RLN2: variants seen among roughly 807,000 people sequenced by gnomAD.
RLN2 encodes the protein relaxin 2.
Under a neutral mutation model 7.3 loss-of-function variants are expected in RLN2, and 10 were observed. The ratio of observed to expected loss-of-function variants is 1.36; its 90% confidence interval spans 0.84 to 2.31. The LOEUF (loss-of-function observed/expected upper bound fraction) is 2.31. RLN2 is among the 30% of genes most tolerant of loss of function. The probability of loss-of-function intolerance (pLI) is 0.00; values close to 1 mark genes in which losing one functional copy is unlikely to be tolerated. For missense variants in RLN2, 298 were observed against 217.6 expected, an observed-to-expected ratio of 1.37 and a Z score of -2.32; for synonymous variants, 103 against 82.3, an observed-to-expected ratio of 1.25 and a Z score of -1.36.
At chr9:5,335,400 G>C in the RLN2 span, 1 of 1,613,476 alleles carries the variant, frequency 6.2e-7, no homozygotes, top group South Asian at 1.1e-5. Flanking sequence ...GCTTCACTTT[G>C]CCTATTGCGA....
upstream of RLN2, among the ~76,000 whole-genome samples, chr9:5,307,090 G>A (rs930008404): frequency 1.3e-5 from 2 of 152,006 alleles, no homozygotes; most frequent in African/African-American, 4.8e-5. Context: ...TATATGCTTA[G>A]ACACAGCTGC....
the RLN2 span, among the ~76,000 whole-genome samples, chr9:5,318,230 C>A: frequency 6.6e-6 from 1 of 151,962 alleles, no homozygotes; most frequent in Admixed American, 6.6e-5. Flanking sequence ...CTTCACCCTG[C>A]CACTTTTATT....
At chr9:5,301,946 G>C (rs1426358410) in intron 1 of RLN2, among the ~76,000 whole-genome samples, 1 of 152,236 alleles carries the variant, frequency 6.6e-6, no homozygotes, top group African/African-American at 2.4e-5. Flanking sequence ...TAAATGAGAG[G>C]TTTTGGCATT....
the RLN2 span, among the ~76,000 whole-genome samples, chr9:5,330,136 T>C: frequency 6.6e-6 from 1 of 152,114 alleles, no homozygotes; most frequent in African/African-American, 2.4e-5. Context: ...ACATGGAAAC[T>C]GAACAACCTG....
At chr9:5,324,439 A>G in the RLN2 span, among the ~76,000 whole-genome samples, 1 of 152,086 alleles carries the variant, frequency 6.6e-6, no homozygotes, top group Non-Finnish European at 1.5e-5. Context: ...TGATTTAAAA[A>G]TCAGACCAAG....
At chr9:5,335,471 T>G in the RLN2 span, 5 of 1,613,544 alleles carry the variant, frequency 3.1e-6, no homozygotes, top group Non-Finnish European at 4.2e-6. Flanking sequence ...TACATACTGC[T>G]GTAGCTCTGG....
At chr9:5,329,030 G>A in the RLN2 span, among the ~76,000 whole-genome samples, 239 of 152,012 alleles carry the variant, frequency 1.6e-3, 1 homozygote, top group African/African-American at 5.4e-3. Flanking sequence ...TCGGCCGGGT[G>A]CGGTGGCTCA....
the RLN2 span, chr9:5,335,521 C>A: frequency 2.4e-5 from 38 of 1,612,968 alleles, no homozygotes; most frequent in Non-Finnish European, 3.1e-5. Context: ...CCTTCAGCTC[C>A]GGTGGCAAAT....
At chr9:5,333,420 T>C in the RLN2 span, among the ~76,000 whole-genome samples, 2 of 152,126 alleles carry the variant, frequency 1.3e-5, no homozygotes, top group South Asian at 4.1e-4. Flanking sequence ...CTGGAAAATC[T>C]AGAAGAAATG....
chr9:5,337,276 G>C, the RLN2 span, among the ~76,000 whole-genome samples: 1 of 152,020 alleles, frequency 6.6e-6, no homozygotes, highest in African/African-American at 2.4e-5. Context: ...CCAGTTAAAT[G>C]AATCAGCCAA....
chr9:5,328,093 T>C, the RLN2 span, among the ~76,000 whole-genome samples: 1 of 152,008 alleles, frequency 6.6e-6, no homozygotes, highest in Non-Finnish European at 1.5e-5. Flanking sequence ...CTTCAGAAGG[T>C]TGGTAATAAC....
chr9:5,307,447 A>G (rs1043612368), upstream of RLN2, among the ~76,000 whole-genome samples: 4 of 151,900 alleles, frequency 2.6e-5, no homozygotes, highest in African/African-American at 9.7e-5. Flanking sequence ...CTAAGGATTG[A>G]AGTGATTATT....
chr9:5,321,123 T>C, the RLN2 span, among the ~76,000 whole-genome samples: 1 of 152,132 alleles, frequency 6.6e-6, no homozygotes, highest in Non-Finnish European at 1.5e-5. Context: ...TAACCAAAAG[T>C]TTAAATTCCA....
the RLN2 span, among the ~76,000 whole-genome samples, chr9:5,336,885 G>C: frequency 6.6e-6 from 1 of 151,944 alleles, no homozygotes; most frequent in Non-Finnish European, 1.5e-5. Context: ...CCTAGACAGC[G>C]GTAGTTCTGG....
upstream of RLN2, among the ~76,000 whole-genome samples, chr9:5,307,605 A>G (rs573950444): frequency 6.6e-4 from 101 of 152,166 alleles, 1 homozygote; most frequent in Admixed American, 1.6e-3. Context: ...GATGTGGGTC[A>G]GGATGGGCTC....
intron 1 of RLN2, among the ~76,000 whole-genome samples, chr9:5,301,998 T>TA (rs894582852): frequency 3.9e-5 from 6 of 152,202 alleles, no homozygotes; most frequent in Admixed American, 3.9e-4. Flanking sequence ...AATTTCATCA[T>TA]AAAAACCTCT....
the RLN2 span, among the ~76,000 whole-genome samples, chr9:5,317,528 C>T: frequency 9.3e-5 from 14 of 150,286 alleles, no homozygotes; most frequent in Non-Finnish European, 1.8e-4. Flanking sequence ...ATATTACACC[C>T]TATTTCAAAG....
At chr9:5,319,473 G>C in the RLN2 span, among the ~76,000 whole-genome samples, 2 of 151,794 alleles carry the variant, frequency 1.3e-5, no homozygotes, top group African/African-American at 4.8e-5. Flanking sequence ...TTTTCATTTA[G>C]GAAAAAGTTC....
chr9:5,325,623 T>A, the RLN2 span, among the ~76,000 whole-genome samples: 6 of 151,996 alleles, frequency 3.9e-5, 1 homozygote, highest in Non-Finnish European at 8.8e-5. Flanking sequence ...CAAAAAAATA[T>A]CTTTTAAGCA....
Sources: gnomAD v4.1 joint callset for allele counts (sites outside exome capture counted in the v4.1 genomes callset) on GRCh38, gnomAD v4.1.1 for gene constraint, MANE v1.5 for transcripts, NCBI Gene and HGNC (gene_info 2026-07-23, HGNC 2026-07-21) for gene names.